NBAS: variants seen among roughly 807,000 people sequenced by gnomAD.
NBAS encodes the protein NBAS subunit of NRZ tethering complex.
A neutral mutation model predicts 302.5 loss-of-function variants in NBAS; 219 were observed. The ratio of observed to expected loss-of-function variants is 0.72; its 90% CI spans 0.65 to 0.81. NBAS has a LOEUF of 0.81. Ranked by LOEUF, NBAS falls within the 30% of genes least tolerant of loss-of-function variation. The pLI is 0.00. For missense variants in NBAS, 2,932 were observed against 2,841.6 expected (o/e 1.03, Z -0.72); for synonymous variants, 1,118 against 1,021.6 (o/e 1.09, Z -1.80).
intron 48 of NBAS, among the ~76,000 whole-genome samples, chr2:15,217,531 G>A (rs1269528759): frequency 2.0e-5 from 3 of 152,178 alleles, no homozygotes; most frequent in Admixed American, 6.5e-5. Context: ...AAGATTAGAC[G>A]GTAGAATGAG....
chr2:15,260,266 C>A (rs1256189645), intron 44 of NBAS, among the ~76,000 whole-genome samples: 3 of 152,122 alleles, frequency 2.0e-5, no homozygotes, highest in African/African-American at 7.2e-5. Flanking sequence ...AGCTTTGTAG[C>A]ACTGTTTTCC....
chr2:15,539,285 C>T lies in NBAS; in HGVS notation c.451G>A (p.Glu151Lys), dbSNP rs773720172. The T allele has an allele frequency of 1.2e-5, 20 of 1,614,104 alleles. No homozygotes were observed. The highest frequency in any genetic ancestry group is 1.0e-4 in the Admixed American group (6 of 60,014). The change falls in exon 7 of 52, where the codon GAA becomes AAA. Residue 151 changes from glutamate (E) to lysine (K), a missense_variant. Physicochemically the swap from Glu to Lys is moderately conservative, Grantham distance 56 (BLOSUM62 1). Transcript: ENST00000281513. ...AACACCCTCACAGTTCCTGTGCTTT[C>T]GGCATAGGCCAGTAGGGTACAATCG... ...SYDCTLLAYA[E>K]STGTVRVFDL...
the NBAS span, among the ~76,000 whole-genome samples, chr2:15,087,620 T>C: frequency 1.3e-5 from 2 of 152,232 alleles, no homozygotes; most frequent in Non-Finnish European, 2.9e-5. Context: ...AAGACAACCT[T>C]GAAAATGAGA....
the NBAS span, among the ~76,000 whole-genome samples, chr2:14,828,554 TA>T: frequency 6.6e-6 from 1 of 152,094 alleles, no homozygotes; most frequent in African/African-American, 2.4e-5. Context: ...AAAAGTTCTT[TA>T]GAGGGGAGTA....
At chr2:15,115,568 A>C in the NBAS span, among the ~76,000 whole-genome samples, 1 of 152,154 alleles carries the variant, frequency 6.6e-6, no homozygotes, top group East Asian at 1.9e-4. Context: ...TGGTACAATC[A>C]CAGCTCACTG....
intron 48 of NBAS, among the ~76,000 whole-genome samples, chr2:15,190,730 C>T (rs571349344): frequency 1.3e-5 from 2 of 152,230 alleles, no homozygotes; most frequent in African/African-American, 4.8e-5. Flanking sequence ...TAATATTTCA[C>T]CATCCTCAAC....
chr2:15,156,559 GA>G, the NBAS span, among the ~76,000 whole-genome samples: 1 of 152,196 alleles, frequency 6.6e-6, no homozygotes, highest in Non-Finnish European at 1.5e-5. Flanking sequence ...CACATGGTGG[GA>G]GGGGTGAACA....
chr2:15,202,576 G>C (rs891324550), intron 48 of NBAS, among the ~76,000 whole-genome samples: 2 of 152,004 alleles, frequency 1.3e-5, no homozygotes, highest in Non-Finnish European at 2.9e-5. Flanking sequence ...TTTCGCTCTT[G>C]TTGCCCAGGC....
the NBAS span, among the ~76,000 whole-genome samples, chr2:14,896,453 C>A: frequency 6.6e-6 from 1 of 152,116 alleles, no homozygotes; most frequent in African/African-American, 2.4e-5. Context: ...CCTCCTACGC[C>A]CCCACACTGA....
At position 15,309,229 on chromosome 2, in the gene NBAS, C is replaced by T; in HGVS notation, c.4601G>A (p.Ser1534Asn). ...GGTCATGTCATTTGGCAAGGCTTCA[C>T]TTGCTAGTTGCAAGAGAACTGAATG... ...PTTEVLLQLA[S>N]EALPNDMTLA... is the part of the protein sequence containing the mutation. Residue 1534 changes from serine to asparagine, a missense_variant, in exon 39 of 52, where the codon AGT becomes AAT. By Grantham distance (46) the Ser-to-Asn change is conservative. Transcript: ENST00000281513. 6.2e-7 allele frequency: 1 copy of T among 1,611,950 alleles called. No homozygotes were observed. Among genetic ancestry groups the T allele is most frequent in the Non-Finnish European group, 8.5e-7 (1 of 1,178,672 alleles).
intron 32 of NBAS, among the ~76,000 whole-genome samples, chr2:15,361,103 C>T (rs969800423): frequency 2.6e-5 from 4 of 152,106 alleles, no homozygotes; most frequent in Non-Finnish European, 5.9e-5. Context: ...TGTCACTAGG[C>T]GATAGGAATT....
chr2:15,545,180 T>C (rs575620293), intron 6 of NBAS, among the ~76,000 whole-genome samples: 2 of 152,262 alleles, frequency 1.3e-5, no homozygotes, highest in Admixed American at 6.5e-5. Flanking sequence ...AGAATTAAAT[T>C]AGACGTAATT....
chr2:15,083,108 G>T, the NBAS span, among the ~76,000 whole-genome samples: 6 of 152,238 alleles, frequency 3.9e-5, no homozygotes, highest in African/African-American at 1.4e-4. Context: ...TGGAGCAAAA[G>T]TGTGGGACAC....
intron 48 of NBAS, among the ~76,000 whole-genome samples, chr2:15,191,202 G>A (rs1424632240): frequency 6.6e-6 from 1 of 152,050 alleles, no homozygotes; most frequent in African/African-American, 2.4e-5. Flanking sequence ...ATAATGATTT[G>A]GGTACAGACA....
chr2:15,237,951 A>AT (rs1209225204), intron 45 of NBAS, among the ~76,000 whole-genome samples: 99 of 151,710 alleles, frequency 6.5e-4, no homozygotes, highest in African/African-American at 2.2e-3. Context: ...ATTTTTTTGT[A>AT]TTTTTAGTAG....
the NBAS span, among the ~76,000 whole-genome samples, chr2:14,949,652 T>C: frequency 1.5e-3 from 232 of 152,304 alleles, no homozygotes; most frequent in African/African-American, 4.7e-3. Context: ...GTGATATATA[T>C]GCATACATAT....
the NBAS span, among the ~76,000 whole-genome samples, chr2:14,841,052 A>T: frequency 6.6e-6 from 1 of 151,950 alleles, no homozygotes; most frequent in Admixed American, 6.6e-5. Flanking sequence ...TGGAGTTAAA[A>T]TACCAATTTT....
At chr2:15,042,673 AGAG>A in the NBAS span, among the ~76,000 whole-genome samples, 1 of 152,204 alleles carries the variant, frequency 6.6e-6, no homozygotes, top group Non-Finnish European at 1.5e-5. Flanking sequence ...CCCCTTTCTT[AGAG>A]GAGAAATCAT....
chr2:15,077,270 A>T, the NBAS span, among the ~76,000 whole-genome samples: 1 of 152,208 alleles, frequency 6.6e-6, no homozygotes, highest in Non-Finnish European at 1.5e-5. Context: ...TATCACAAGA[A>T]CAGCATGGGG....
Sources: allele counts gnomAD v4.1 joint callset (sites outside exome capture counted in the v4.1 genomes callset), GRCh38; gene constraint gnomAD v4.1.1; transcripts MANE v1.5; gene names NCBI Gene and HGNC (gene_info 2026-07-23, HGNC 2026-07-21).